The following COP1 variants were observed in gnomAD, a reference collection of about 807,000 sequenced individuals.
COP1 encodes COP1 E3 ubiquitin ligase, also known as E3 ubiquitin-protein ligase COP1.
In COP1, 24 loss-of-function variants were observed where a neutral mutation model predicts 101.3. The observed-to-expected ratio is 0.24, with a 90% confidence interval of 0.17 to 0.33. COP1 has a LOEUF of 0.33. COP1 is among the 10% of genes least tolerant of loss of function. The probability of loss-of-function intolerance (pLI) is 1.00; values close to 1 mark genes in which losing one functional copy is unlikely to be tolerated. For missense variants in COP1, 663 were observed against 906.2 expected, an observed-to-expected ratio of 0.73 and a Z score of 3.45; for synonymous variants, 347 against 341.9, an observed-to-expected ratio of 1.01 and a Z score of -0.17.
chr1:176,102,308 T>C (rs1027100767), intron 9 of COP1, among the ~76,000 whole-genome samples: 2 of 152,130 alleles, frequency 1.3e-5, no homozygotes, highest in Non-Finnish European at 2.9e-5. Context: ...CCCTTGTACG[T>C]GCCTGCAAGC....
At chr1:176,034,650 A>T (rs1373939133) in intron 14 of COP1, among the ~76,000 whole-genome samples, 1 of 152,186 alleles carries the variant, frequency 6.6e-6, no homozygotes, top group Admixed American at 6.5e-5. Context: ...GTAATGGAGA[A>T]GGAGATTCTA....
At chr1:176,127,571 G>GTGTA (rs1289985929) in intron 8 of COP1, among the ~76,000 whole-genome samples, 1 of 116,798 alleles carries the variant, frequency 8.6e-6, no homozygotes, top group Non-Finnish European at 1.9e-5. Flanking sequence ...CTGTGTGTGT[G>GTGTA]TGTGTGTGTG....
chr1:176,046,072 G>T, intron 12 of COP1, 109 bp downstream of exon 12: 1 of 793,746 alleles, frequency 1.3e-6, no homozygotes. Flanking sequence ...CAATAATAGT[G>T]TTCACCATGA....
At chr1:175,981,473 A>G (rs1655852700) in intron 18 of COP1, among the ~76,000 whole-genome samples, 1 of 152,190 alleles carries the variant, frequency 6.6e-6, no homozygotes, top group South Asian at 2.1e-4. Context: ...GGATATCCAT[A>G]TGCAGAAGAA....
intron 14 of COP1, among the ~76,000 whole-genome samples, chr1:176,029,836 T>G (rs548737048): frequency 6.6e-5 from 10 of 152,182 alleles, no homozygotes; most frequent in Non-Finnish European, 1.0e-4. Flanking sequence ...ATGTGAAATC[T>G]CCAAGTAGAA....
chr1:176,149,144 G>A, intron 5 of COP1, 70 bp from the exon 6 acceptor site: 1 of 912,352 alleles, frequency 1.1e-6, no homozygotes, highest in Non-Finnish European at 1.6e-6. Flanking sequence ...TAACACCATA[G>A]CATAAACAGT....
intron 1 of COP1, among the ~76,000 whole-genome samples, chr1:176,190,992 G>C (rs548412352): frequency 6.6e-6 from 1 of 151,978 alleles, no homozygotes. Context: ...ACAAGCAGTA[G>C]TTACACCTCA....
chr1:175,945,427 G>T (rs1322563506), intron 19 of COP1, among the ~76,000 whole-genome samples: 1 of 152,166 alleles, frequency 6.6e-6, no homozygotes, highest in Non-Finnish European at 1.5e-5. Flanking sequence ...AAAACACATG[G>T]AAAAATAAAT....
At chr1:175,973,485 A>G (rs538401624) in intron 18 of COP1, among the ~76,000 whole-genome samples, 1 of 152,358 alleles carries the variant, frequency 6.6e-6, no homozygotes, top group Non-Finnish European at 1.5e-5. Flanking sequence ...ATGCAGAGCT[A>G]CAAGTTGCTA....
At chr1:176,168,764 G>A (rs1308940896) in intron 3 of COP1, 2 of 259,456 alleles carry the variant, frequency 7.7e-6, no homozygotes, top group African/African-American at 2.3e-5. Context: ...GGGAAGTAAG[G>A]GAGAAACAGA....
chr1:175,972,083 TAACAA>T (rs1372058976), intron 18 of COP1, among the ~76,000 whole-genome samples: 4 of 152,054 alleles, frequency 2.6e-5, no homozygotes, highest in African/African-American at 9.7e-5. Context: ...CTAGGATACT[TAACAA>T]AACAAAAGGA....
chr1:176,099,348 A>G (rs560417306), intron 9 of COP1, among the ~76,000 whole-genome samples: 1 of 152,336 alleles, frequency 6.6e-6, no homozygotes, highest in East Asian at 1.9e-4. Context: ...AATGAACTGA[A>G]CTCACCAAAA....
At position 176,189,658 on chromosome 1, in the gene COP1, TA is replaced by T. The variant is rs758604076; in HGVS notation, c.408-4967del. Among the ~76,000 whole-genome samples the T allele has an allele frequency of 6.0e-4, 91 of 151,736 alleles. 2 individuals carry two copies. Among genetic ancestry groups the T allele is most frequent in the Non-Finnish European group, 1.2e-3 (84 of 67,878 alleles). ...TAGGATGTACACAAATAAAGAGCTCTAAAAATAGTAATGATGAACATAAATA... is the reference window on the plus strand; with the variant it reads ...TAGGATGTACACAAATAAAGAGCTCTAAAATAGTAATGATGAACATAAATA... On this transcript the variant is annotated intron_variant, in intron 1 of 19. Transcript: ENST00000367669.
intron 15 of COP1, among the ~76,000 whole-genome samples, chr1:176,000,636 T>A (rs6684747): frequency 0.74 from 112,786 of 151,592 alleles, 44,112 homozygotes; most frequent in East Asian, 0.92. Flanking sequence ...TAAATATTTT[T>A]AAAAAAATGA....
intron 18 of COP1, among the ~76,000 whole-genome samples, chr1:175,959,656 T>G (rs935564564): frequency 2.0e-5 from 3 of 152,118 alleles, no homozygotes; most frequent in Non-Finnish European, 4.4e-5. Flanking sequence ...AAGGACTACC[T>G]AGATACCTTT....
intron 11 of COP1, among the ~76,000 whole-genome samples, chr1:176,053,882 C>T (rs1407032898): frequency 6.6e-6 from 1 of 152,132 alleles, no homozygotes; most frequent in Non-Finnish European, 1.5e-5. Context: ...TTGTACTTTA[C>T]CTCCCTGGCA....
chr1:176,205,579 A>G (rs1026153631), intron 1 of COP1, among the ~76,000 whole-genome samples: 4 of 152,222 alleles, frequency 2.6e-5, no homozygotes, highest in Non-Finnish European at 5.9e-5. Flanking sequence ...CTCAAAAAGG[A>G]AAGTACGAAA....
chr1:176,054,814 A>G (rs924020386), intron 11 of COP1, among the ~76,000 whole-genome samples: 18 of 152,198 alleles, frequency 1.2e-4, no homozygotes, highest in South Asian at 6.2e-4. Flanking sequence ...TTATATTCCT[A>G]TATCTATTTT....
chr1:176,204,880 A>G (rs1055959176), intron 1 of COP1, among the ~76,000 whole-genome samples: 5 of 152,216 alleles, frequency 3.3e-5, no homozygotes, highest in Non-Finnish European at 5.9e-5. Flanking sequence ...GTGAGCCAAG[A>G]CGGTGCCACT....
Sources: gnomAD v4.1 joint callset for allele counts (sites outside exome capture counted in the v4.1 genomes callset) on GRCh38, gnomAD v4.1.1 for gene constraint, MANE v1.5 for transcripts, NCBI Gene and HGNC (gene_info 2026-07-23, HGNC 2026-07-21) for gene names.